Variants in TUBB6 observed in about 807,000 individuals in gnomAD.
TUBB6 encodes tubulin beta-6 chain.
Under a neutral mutation model 32.3 loss-of-function variants are expected in TUBB6, and 18 were observed. The ratio of observed to expected loss-of-function variants is 0.56; its 90% CI spans 0.39 to 0.83. TUBB6 has a LOEUF of 0.83. TUBB6 is among the 40% of genes least tolerant of loss of function. The probability of loss-of-function intolerance (pLI) is 0.00; values close to 1 mark genes in which losing one functional copy is unlikely to be tolerated. For synonymous variants in TUBB6, 280 were observed against 265.8 expected, an observed-to-expected ratio of 1.05 and a Z score of -0.52; for missense variants, 480 against 632.0, an observed-to-expected ratio of 0.76 and a Z score of 2.58.
At chr18:12,324,439 A>C (rs1311758253) in intron 3 of TUBB6, among the ~76,000 whole-genome samples, 2 of 101,022 alleles carry the variant, frequency 2.0e-5, no homozygotes, top group African/African-American at 6.4e-5. Context: ...AGCCCAAAGG[A>C]GAGAACTTTT....
intron 3 of TUBB6, among the ~76,000 whole-genome samples, chr18:12,313,848 G>T (rs1231690323): frequency 1.3e-5 from 2 of 152,224 alleles, no homozygotes; most frequent in Non-Finnish European, 2.9e-5. Flanking sequence ...GCCTCCAGAA[G>T]AGCTGAATCC....
Position 12,326,528 on chromosome 18 carries a change from T to G in TUBB6, c.*398T>G, listed in dbSNP as rs1337637351. On this transcript the variant is annotated 3_prime_UTR_variant, in exon 4 of 4. Transcript: ENST00000317702. ...TATATGAATATGCAGTATGGGACTT[T>G]GAAATAATGATTCATAATAAAATAC... 5.0e-6 allele frequency: 1 copy of G among 201,032 alleles called. No individual in the cohort carries two copies. The highest frequency in any genetic ancestry group is 2.3e-5 in the African/African-American group (1 of 42,950). The allele number at this position is 201,032 out of a possible 1,614,324, so 12.5% of individuals were successfully genotyped here. A position where few individuals can be genotyped will look rare whatever the true frequency, so the allele number is the denominator to read the frequency against.
chr18:12,327,262 C>T (rs912498014), downstream of TUBB6, among the ~76,000 whole-genome samples: 26 of 152,170 alleles, frequency 1.7e-4, no homozygotes, highest in African/African-American at 5.3e-4. Context: ...CCTGTCCACC[C>T]GTCCAGGTTC....
Position 12,311,468 on chromosome 18 carries a change from G to A in TUBB6, c.277+415G>A, listed in dbSNP as rs763038568. ...AAAAATTAGCCGGGCATGGTGGCAC[G>A]TGCCTGTAGTCCCAGCTACTCGGGA... On this transcript the variant is annotated intron_variant, in intron 3 of 3. Transcript: ENST00000317702. Among the ~76,000 whole-genome samples, 5 of 152,176 alleles carry A rather than the reference G, an allele frequency of 3.3e-5. No homozygotes were observed. The East Asian group carries it at 7.7e-4, about 24-fold the overall frequency.
chr18:12,329,076 C>A (rs546862017), downstream of TUBB6: 1 of 698,480 alleles, frequency 1.4e-6, no homozygotes, highest in Admixed American at 2.0e-5. Context: ...AACAAGTGAT[C>A]TGGATTCAAT....
chr18:12,327,668 C>T (rs973054252), downstream of TUBB6, among the ~76,000 whole-genome samples: 1 of 152,230 alleles, frequency 6.6e-6, no homozygotes, highest in Non-Finnish European at 1.5e-5. Context: ...GCACAGGGAG[C>T]CACGGTTGCT....
intron 3 of TUBB6, 33 bp downstream of exon 3, chr18:12,311,086 CTTT>C (rs1442070706): frequency 3.3e-6 from 5 of 1,522,954 alleles, no homozygotes; most frequent in East Asian, 4.6e-5. Context: ...TCTTCTTCTT[CTTT>C]TATTTTTTTA....
At chr18:12,329,165 T>C (rs1224287253), downstream of TUBB6, 1 of 702,964 alleles carries the variant, frequency 1.4e-6, no homozygotes, top group Non-Finnish European at 2.6e-6. Flanking sequence ...ACAGGGGAAC[T>C]GAGGAGAAAC....
chr18:12,327,383 C>T (rs1377356677), downstream of TUBB6, among the ~76,000 whole-genome samples: 1 of 152,202 alleles, frequency 6.6e-6, no homozygotes, highest in Non-Finnish European at 1.5e-5. Context: ...CCCCACAGTA[C>T]AACCACAACA....
Position 12,325,675 on chromosome 18 carries a change from G to A in TUBB6, c.886G>A (p.Ala296Thr), listed in dbSNP as rs758521605. ...VPELTQQMFDARNMMAACDPR... is the reference protein window; with the variant it reads ...VPELTQQMFDTRNMMAACDPR... ...CGAGCTCACCCAGCAGATGTTCGAC[G>A]CCAGGAACATGATGGCCGCCTGCGA... Residue 296 changes from alanine (A) to threonine (T), a missense_variant, in exon 4 of 4, where the codon GCC becomes ACC. By Grantham distance (58) the Ala-to-Thr change is moderately conservative. Coordinates refer to ENST00000317702, the MANE Select transcript of TUBB6 (RefSeq NM_032525.3). 3.7e-6 allele frequency: 6 copies of A among 1,613,958 alleles called. No homozygotes were observed. The highest frequency in any genetic ancestry group is 3.3e-5 in the Admixed American group (2 of 59,992).
At chr18:12,317,299 A>G (rs1274658820) in intron 3 of TUBB6, among the ~76,000 whole-genome samples, 1 of 152,152 alleles carries the variant, frequency 6.6e-6, no homozygotes, top group Non-Finnish European at 1.5e-5. Context: ...CTCTGTACAA[A>G]AAGTTTTTTT....
rs746974179 is a variant in TUBB6 at position 12,326,049 on chromosome 18, C to T, written c.1260C>T (p.Ser420=). The T allele has an allele frequency of 1.2e-6, 2 of 1,614,098 alleles. No homozygotes were observed. Among genetic ancestry groups the T allele is most frequent in the South Asian group, 1.1e-5 (1 of 91,072 alleles). ...AGAGCAACATGAACGACCTGGTATCCGAGTACCAGCAGTACCAGGATGCCA... is the reference window on the plus strand; with the variant it reads ...AGAGCAACATGAACGACCTGGTATCTGAGTACCAGCAGTACCAGGATGCCA... ...EAESNMNDLV[S]EYQQYQDATA... Residue 420 remains serine, a synonymous_variant, in exon 4 of 4, where the codon TCC becomes TCT. Coordinates refer to ENST00000317702, the MANE Select transcript of TUBB6 (RefSeq NM_032525.3).
intron 2 of TUBB6, among the ~76,000 whole-genome samples, chr18:12,310,575 A>G (rs1469746607): frequency 6.6e-6 from 1 of 151,962 alleles, no homozygotes; most frequent in Admixed American, 6.5e-5. Flanking sequence ...TCCTGGGTTC[A>G]GATGATCCTG....
chr18:12,308,256 C>T lies in TUBB6; in HGVS notation c.-37C>T. The T allele has an allele frequency of 7.2e-7, 1 of 1,394,318 alleles. No homozygotes were observed. The highest frequency in any genetic ancestry group is 9.4e-7 in the Non-Finnish European group (1 of 1,066,124). The allele number at this position is 1,394,318 out of a possible 1,614,324, so 86.4% of individuals were successfully genotyped here. ...GCCGGCCCGCAGTTGCCGCTGTCGTCCGCAGAGCCAGTTCCTAGCGCAGAG... is the reference window on the plus strand; with the variant it reads ...GCCGGCCCGCAGTTGCCGCTGTCGTTCGCAGAGCCAGTTCCTAGCGCAGAG... On this transcript the variant is annotated 5_prime_UTR_variant, in exon 1 of 4. Coordinates refer to ENST00000317702, the MANE Select transcript of TUBB6 (RefSeq NM_032525.3).
At chr18:12,318,019 G>A (rs928698600) in intron 3 of TUBB6, among the ~76,000 whole-genome samples, 21 of 152,116 alleles carry the variant, frequency 1.4e-4, no homozygotes. Flanking sequence ...CAGCATCTCC[G>A]TCCACTTACA....
In TUBB6 at chr18:12,326,510, A is replaced by C; in HGVS notation, c.*380A>C. On this transcript the variant is annotated 3_prime_UTR_variant, in exon 4 of 4. Coordinates refer to ENST00000317702, the MANE Select transcript of TUBB6 (RefSeq NM_032525.3). The stretch of plus-strand genomic sequence containing the variant: ...AATTGTGCCGTGTTGCCTTATATGA[A>C]TATGCAGTATGGGACTTTGAAATAA... The C allele has an allele frequency of 4.2e-6, 1 of 239,182 alleles. No individual in the cohort carries two copies. The highest frequency in any genetic ancestry group is 8.1e-6 in the Non-Finnish European group (1 of 122,802). 14.8% of individuals were successfully genotyped at this position (239,182 alleles called of 1,614,324 possible). A position where few individuals can be genotyped will look rare whatever the true frequency, so the allele number is the denominator to read the frequency against.
At position 12,325,527 on chromosome 18, in the gene TUBB6, C is replaced by T; in HGVS notation, c.738C>T (p.Leu246=). The part of the protein sequence containing the change: ...VTTSLRFPGQ[L]NADLRKLAVN... ...CCTCGCTGCGCTTCCCGGGCCAGCT[C>T]AATGCTGACCTGCGCAAGCTGGCGG... Residue 246 remains leucine (L), a synonymous_variant, in exon 4 of 4, where the codon CTC becomes CTT. Transcript: ENST00000317702. The T allele has an allele frequency of 6.2e-7, 1 of 1,614,230 alleles. No individual in the cohort carries two copies. The highest frequency in any genetic ancestry group is 8.5e-7 in the Non-Finnish European group (1 of 1,180,050).
At chr18:12,322,057 T>G (rs369162446) in intron 3 of TUBB6, among the ~76,000 whole-genome samples, 82 of 152,256 alleles carry the variant, frequency 5.4e-4, no homozygotes, top group South Asian at 3.5e-3. Flanking sequence ...TCCCAGCACT[T>G]TGGGAGGCCG....
rs1907264856 is a variant in TUBB6 at position 12,325,665 on chromosome 18, G to A, written c.876G>A (p.Gln292=). Residue 292 remains glutamine, a synonymous_variant, in exon 4 of 4, where the codon CAG becomes CAA. Coordinates refer to ENST00000317702, the MANE Select transcript of TUBB6 (RefSeq NM_032525.3). ...TGACCGTGCCCGAGCTCACCCAGCA[G>A]ATGTTCGACGCCAGGAACATGATGG... ...RALTVPELTQ[Q]MFDARNMMAA... 6.2e-7 allele frequency: 1 copy of A among 1,614,080 alleles called. No homozygotes were observed. The highest frequency in any genetic ancestry group is 8.5e-7 in the Non-Finnish European group (1 of 1,180,008).
Sources: allele counts gnomAD v4.1 joint callset (sites outside exome capture counted in the v4.1 genomes callset), GRCh38; gene constraint gnomAD v4.1.1; transcripts MANE v1.5; gene names NCBI Gene and HGNC (gene_info 2026-07-23, HGNC 2026-07-21).